The following PHACTR1 variants were observed in gnomAD, a reference collection of about 807,000 sequenced individuals.
PHACTR1 encodes RPEL repeat containing 1.
Under a neutral mutation model 69.2 loss-of-function variants are expected in PHACTR1, and 16 were observed. That is an observed-to-expected ratio of 0.23 (90% CI 0.16 to 0.35). The LOEUF is 0.35. Ranked by LOEUF, PHACTR1 falls within the 10% of genes least tolerant of loss-of-function variation. The pLI, the probability that PHACTR1 is intolerant of heterozygous loss-of-function variation, is 1.00. For missense variants in PHACTR1, 510 were observed against 734.7 expected, an observed-to-expected ratio of 0.69 and a Z score of 3.54; for synonymous variants, 312 against 284.5, an observed-to-expected ratio of 1.10 and a Z score of -0.97.
chr6:13,231,469 AAGG>A (rs1190942009), intron 10 of PHACTR1, among the ~76,000 whole-genome samples: 170 of 149,606 alleles, frequency 1.1e-3, no homozygotes, highest in Non-Finnish European at 1.6e-3. Flanking sequence ...GGAAGGAAGG[AAGG>A]AAGGAAAGAA....
intron 8 of PHACTR1, among the ~76,000 whole-genome samples, chr6:13,224,249 A>G (rs1769194537): frequency 6.6e-6 from 1 of 152,194 alleles, no homozygotes; most frequent in African/African-American, 2.4e-5. Flanking sequence ...CAAACAGATG[A>G]TCATGGTTTT....
intron 4 of PHACTR1, among the ~76,000 whole-genome samples, chr6:12,786,155 C>A (rs1771518672): frequency 6.6e-6 from 1 of 152,174 alleles, no homozygotes; most frequent in Admixed American, 6.5e-5. Flanking sequence ...AGCCAGATAG[C>A]TTTTTGTGTC....
chr6:12,772,984 C>T (rs1046366859), intron 4 of PHACTR1, among the ~76,000 whole-genome samples: 26 of 152,198 alleles, frequency 1.7e-4, no homozygotes, highest in African/African-American at 6.3e-4. Flanking sequence ...GATTTCCAGA[C>T]ATTTATATGA....
chr6:13,078,949 G>C (rs1472405613), intron 5 of PHACTR1, among the ~76,000 whole-genome samples: 1 of 152,108 alleles, frequency 6.6e-6, no homozygotes, highest in African/African-American at 2.4e-5. Flanking sequence ...TGTTTGGGGG[G>C]GTCTAGCTTT....
At chr6:12,981,220 C>A (rs1582813934) in intron 4 of PHACTR1, among the ~76,000 whole-genome samples, 1 of 152,228 alleles carries the variant, frequency 6.6e-6, no homozygotes, top group African/African-American at 2.4e-5. Context: ...GAGCTGATTT[C>A]ATAAATATAA....
In PHACTR1 at chr6:12,963,562, T is replaced by A. The variant is rs1293368011; in HGVS notation, c.251-89803T>A. ...AACACCCTGCCATGTCTTTCTTCAT[T>A]AAAAATACAGTATGCCTCCAGTGCC... On this transcript the variant is annotated intron_variant, in intron 4 of 14. Transcript: ENST00000332995. Among the ~76,000 whole-genome samples the A allele has an allele frequency of 2.6e-5, 4 of 152,066 alleles. No homozygotes were observed. In the East Asian group the frequency reaches 7.7e-4, roughly 29 times the overall value.
chr6:13,047,877 G>A (rs180846728), intron 4 of PHACTR1, among the ~76,000 whole-genome samples: 1 of 151,918 alleles, frequency 6.6e-6, no homozygotes, highest in African/African-American at 2.4e-5. Flanking sequence ...CCTGAGGAGC[G>A]CCCCGAGCCC....
intron 10 of PHACTR1, among the ~76,000 whole-genome samples, chr6:13,240,535 G>A (rs554805728): frequency 3.3e-5 from 5 of 151,778 alleles, no homozygotes; most frequent in South Asian, 2.1e-4. Flanking sequence ...ACCTCCACCC[G>A]CCCCAGGTTC....
At chr6:12,884,945 C>T (rs762894691) in intron 4 of PHACTR1, among the ~76,000 whole-genome samples, 57 of 152,194 alleles carry the variant, frequency 3.7e-4, no homozygotes, top group Non-Finnish European at 6.3e-4. Flanking sequence ...ATAAAGGAAC[C>T]AGTGGAGTTT....
At chr6:12,739,601 ATGAAAAT>A (rs1764770214) in intron 3 of PHACTR1, among the ~76,000 whole-genome samples, 1 of 152,098 alleles carries the variant, frequency 6.6e-6, no homozygotes, top group African/African-American at 2.4e-5. Flanking sequence ...GTGCAGTGGC[ATGAAAAT>A]GGCTCACTGC....
intron 8 of PHACTR1, among the ~76,000 whole-genome samples, chr6:13,213,472 C>G (rs1452682330): frequency 6.6e-6 from 1 of 152,178 alleles, no homozygotes; most frequent in Non-Finnish European, 1.5e-5. Flanking sequence ...ATACTTGCAA[C>G]AGGTTATGTG....
intron 4 of PHACTR1, among the ~76,000 whole-genome samples, chr6:12,809,800 A>G (rs1263929322): frequency 6.6e-6 from 1 of 152,226 alleles, no homozygotes; most frequent in Admixed American, 6.5e-5. Flanking sequence ...CTTTCCCTCC[A>G]TCCAAAACAA....
In PHACTR1 at chr6:13,189,051, G is replaced by A. The variant is rs1047002336; in HGVS notation, c.664+6365G>A. Reference sequence around the variant, plus strand: ...TGGCTCCAGAAGTCAGATGTTCAACGCTGCATGAATAACCTATGCCTTCTG... The same window carrying A: ...TGGCTCCAGAAGTCAGATGTTCAACACTGCATGAATAACCTATGCCTTCTG... On this transcript the variant is annotated intron_variant, in intron 7 of 14. Transcript: ENST00000332995. Among the ~76,000 whole-genome samples the A allele has an allele frequency of 5.9e-5, 9 of 152,330 alleles. No homozygotes were observed. The East Asian group carries it at 1.7e-3, about 29-fold the overall frequency.
At chr6:12,973,513 G>A (rs566109234) in intron 4 of PHACTR1, among the ~76,000 whole-genome samples, 17 of 152,314 alleles carry the variant, frequency 1.1e-4, no homozygotes, top group South Asian at 4.1e-4. Context: ...AAACAGACAC[G>A]TAGAATAATG....
chr6:13,149,242 A>G (rs1282764396), intron 5 of PHACTR1, among the ~76,000 whole-genome samples: 3 of 152,156 alleles, frequency 2.0e-5, no homozygotes, highest in Non-Finnish European at 4.4e-5. Context: ...ACTCCATAAA[A>G]GGGTCATATT....
intron 4 of PHACTR1, among the ~76,000 whole-genome samples, chr6:12,978,660 C>T (rs1795165405): frequency 6.6e-6 from 1 of 152,190 alleles, no homozygotes; most frequent in Non-Finnish European, 1.5e-5. Context: ...TGACAATAGT[C>T]ACGTATGTCT....
chr6:13,019,573 G>A (rs182674291), intron 4 of PHACTR1, among the ~76,000 whole-genome samples: 32 of 152,282 alleles, frequency 2.1e-4, no homozygotes, highest in African/African-American at 7.5e-4. Context: ...ATAACTTTGA[G>A]CTCATATATA....
intron 4 of PHACTR1, among the ~76,000 whole-genome samples, chr6:13,010,656 G>A (rs2127643937): frequency 6.6e-6 from 1 of 152,234 alleles, no homozygotes; most frequent in East Asian, 1.9e-4. Context: ...GGTCCTTGGG[G>A]TCATATTTTA....
chr6:12,732,176 A>C (rs1581473863), intron 3 of PHACTR1, among the ~76,000 whole-genome samples: 2 of 152,068 alleles, frequency 1.3e-5, no homozygotes, highest in Non-Finnish European at 2.9e-5. Context: ...ACATATAGTA[A>C]TTATAGAAAA....
Sources: allele counts gnomAD v4.1 joint callset (sites outside exome capture counted in the v4.1 genomes callset), GRCh38; gene constraint gnomAD v4.1.1; transcripts MANE v1.5; gene names NCBI Gene and HGNC (gene_info 2026-07-23, HGNC 2026-07-21).